Variants in DLG2 observed in about 807,000 individuals in gnomAD.
DLG2 encodes discs large MAGUK scaffold protein 2, also known as disks large homolog 2.
DLG2 carries 45 observed loss-of-function variants against 132.5 expected under a neutral mutation model. That is an observed-to-expected ratio of 0.34 (90% CI 0.27 to 0.44). The LOEUF is 0.44. DLG2 is among the 20% of genes least tolerant of loss of function. The pLI, the probability that DLG2 is intolerant of heterozygous loss-of-function variation, is 1.00. For synonymous variants in DLG2, 424 were observed against 419.6 expected (o/e 1.01, Z -0.13); for missense variants, 1,045 against 1,196.9 (o/e 0.87, Z 1.87).
At position 83,541,773 on chromosome 11, in the gene DLG2, T is replaced by A. The variant is rs1379761477; in HGVS notation, c.2026A>T (p.Ile676Phe). ...CACCACTCATCATCAGAGGCATTGA[T>A]AACGTGGAGAATATCTCCATATTTA... Reference protein sequence around the residue: ...SFKYGDILHVINASDDEWWQA... With the variant: ...SFKYGDILHVFNASDDEWWQA... The change falls in exon 20 of 28, where the codon ATC becomes TTC. Residue 676 changes from isoleucine to phenylalanine, a missense_variant. Physicochemically the swap from Ile to Phe is conservative, Grantham distance 21. Around this residue, in one of 4 missense-constraint regions of DLG2, gnomAD observed 398 missense variants for 543.6 expected, o/e 0.73. Transcript: ENST00000376104. The A allele has an allele frequency of 6.2e-7, 1 of 1,613,454 alleles. No individual in the cohort carries two copies. The highest frequency in any genetic ancestry group is 1.3e-5 in the African/African-American group (1 of 74,878).
intron 4 of DLG2, among the ~76,000 whole-genome samples, chr11:85,195,463 A>G (rs999494807): frequency 1.2e-4 from 18 of 152,108 alleles, no homozygotes; most frequent in Non-Finnish European, 1.9e-4. Flanking sequence ...CACCAAGTAG[A>G]AACCTAGAAT....
intron 4 of DLG2, among the ~76,000 whole-genome samples, chr11:85,160,177 C>T (rs572545046): frequency 8.5e-5 from 13 of 152,276 alleles, no homozygotes; most frequent in African/African-American, 3.1e-4. Flanking sequence ...CAACACATTC[C>T]TCATTTAGGT....
At chr11:84,417,494 G>T (rs488925) in intron 7 of DLG2, among the ~76,000 whole-genome samples, 1 of 151,788 alleles carries the variant, frequency 6.6e-6, no homozygotes, top group African/African-American at 2.4e-5. Context: ...GTCCCTCATC[G>T]GTACTTTCCT....
At chr11:83,880,747 C>A (rs1280495195) in intron 15 of DLG2, among the ~76,000 whole-genome samples, 2 of 152,106 alleles carry the variant, frequency 1.3e-5, no homozygotes, top group Non-Finnish European at 2.9e-5. Flanking sequence ...TGATTTTGTA[C>A]AAGATTAGCT....
At chr11:83,517,951 T>C (rs1050572286) in intron 21 of DLG2, among the ~76,000 whole-genome samples, 1 of 152,204 alleles carries the variant, frequency 6.6e-6, no homozygotes, top group Non-Finnish European at 1.5e-5. Context: ...GACTCCCAGT[T>C]AGGCTACTCG....
At chr11:84,336,151 GTGCAC>G (rs1181831776) in intron 7 of DLG2, among the ~76,000 whole-genome samples, 1 of 152,152 alleles carries the variant, frequency 6.6e-6, no homozygotes. Flanking sequence ...ACTTCTCTGA[GTGCAC>G]GCTTAGTTTG....
At chr11:85,258,774 TA>T (rs1239922705) in intron 4 of DLG2, among the ~76,000 whole-genome samples, 3 of 152,152 alleles carry the variant, frequency 2.0e-5, no homozygotes, top group African/African-American at 7.2e-5. Context: ...AGAAGCTCTT[TA>T]GGATCAGAAA....
intron 3 of DLG2, among the ~76,000 whole-genome samples, chr11:85,467,502 G>C (rs2092831453): frequency 6.6e-6 from 1 of 152,108 alleles, no homozygotes; most frequent in Non-Finnish European, 1.5e-5. Flanking sequence ...CTAATTTATT[G>C]GGAGTTTTTA....
chr11:83,703,799 T>G (rs1436149688), intron 18 of DLG2, among the ~76,000 whole-genome samples: 7 of 152,256 alleles, frequency 4.6e-5, no homozygotes, highest in Admixed American at 4.6e-4. Context: ...TCATCATGAC[T>G]GTTATTTACA....
chr11:84,744,325 A>G (rs1426675998), intron 6 of DLG2, among the ~76,000 whole-genome samples: 1 of 152,212 alleles, frequency 6.6e-6, no homozygotes, highest in East Asian at 1.9e-4. Flanking sequence ...CTCTTGCACA[A>G]TGCCTTTGAA....
intron 11 of DLG2, among the ~76,000 whole-genome samples, chr11:84,049,325 G>C (rs1043501527): frequency 8.6e-5 from 13 of 151,754 alleles, no homozygotes; most frequent in African/African-American, 3.1e-4. Context: ...TCTAGAAATT[G>C]TTTTTTGATT....
At chr11:83,691,021 C>A (rs138847746) in intron 18 of DLG2, among the ~76,000 whole-genome samples, 2 of 152,274 alleles carry the variant, frequency 1.3e-5, no homozygotes, top group Non-Finnish European at 2.9e-5. Flanking sequence ...CTTGACAAAA[C>A]AAGTTTGCTG....
intron 19 of DLG2, among the ~76,000 whole-genome samples, chr11:83,594,648 T>C (rs1365131812): frequency 1.3e-5 from 2 of 152,148 alleles, no homozygotes; most frequent in East Asian, 3.9e-4. Context: ...TAAAGGATAC[T>C]TAGAAGAGGA....
In DLG2 at chr11:85,160,166, G is replaced by A. The variant is rs1051983857; in HGVS notation, c.187-5515C>T. Among the ~76,000 whole-genome samples the A allele has an allele frequency of 2.6e-5, 4 of 152,198 alleles. No individual in the cohort carries two copies. In the East Asian group the frequency reaches 7.7e-4, roughly 29 times the overall value. ...TAGTGGGTGTACTTGGATTTTGGAA[G>A]CAACACATTCCTCATTTAGGTGCGT... is the stretch of plus-strand genomic sequence containing the variant. On this transcript the variant is annotated intron_variant, in intron 4 of 27. Transcript: ENST00000376104.
chr11:85,469,643 G>C (rs762033558), intron 3 of DLG2: 3 of 152,200 alleles, frequency 2.0e-5, no homozygotes, highest in African/African-American at 4.8e-5. Flanking sequence ...ACCTGGTGTG[G>C]TCAGTGGATT....
intron 19 of DLG2, among the ~76,000 whole-genome samples, chr11:83,606,655 C>T (rs1352413718): frequency 1.3e-5 from 2 of 151,502 alleles, no homozygotes; most frequent in Non-Finnish European, 2.9e-5. Flanking sequence ...AGGCCGGGCG[C>T]GGTAGCTCAC....
At chr11:84,469,922 T>G (rs2099104355) in intron 7 of DLG2, among the ~76,000 whole-genome samples, 1 of 151,652 alleles carries the variant, frequency 6.6e-6, no homozygotes, top group Non-Finnish European at 1.5e-5. Context: ...TACATAAACC[T>G]AGATGGTATA....
At chr11:84,429,199 C>G (rs1319514165) in intron 7 of DLG2, among the ~76,000 whole-genome samples, 1 of 152,156 alleles carries the variant, frequency 6.6e-6, no homozygotes, top group Non-Finnish European at 1.5e-5. Context: ...CATAAATGTT[C>G]TGTTTCATCT....
intron 4 of DLG2, among the ~76,000 whole-genome samples, chr11:85,181,898 A>T (rs2079729845): frequency 6.6e-6 from 1 of 151,564 alleles, no homozygotes; most frequent in Non-Finnish European, 1.5e-5. Context: ...TGCTCTCTTC[A>T]CTGTCAATTA....
Sources: gnomAD v4.1 joint callset for allele counts (sites outside exome capture counted in the v4.1 genomes callset) on GRCh38, gnomAD v4.1.1 for gene constraint, gnomAD v4.1.1 regional missense constraint, MANE v1.5 for transcripts, NCBI Gene and HGNC (gene_info 2026-07-23, HGNC 2026-07-21) for gene names.